FMN2: variants seen among roughly 807,000 people sequenced by gnomAD.
The protein encoded by FMN2 is formin-2.
A neutral mutation model predicts 142.3 loss-of-function variants in FMN2; 51 were observed. The observed-to-expected ratio is 0.36, with a 90% CI of 0.29 to 0.45. FMN2 has a LOEUF of 0.45. FMN2 is among the 20% of genes least tolerant of loss of function. FMN2 has a pLI of 1.00. For missense variants in FMN2, 1,936 were observed against 2,122.8 expected (o/e 0.91, Z 1.73); for synonymous variants, 882 against 869.8 (o/e 1.01, Z -0.25).
rs1662546545 is a variant in FMN2, at chr1:240,127,166, C to T, written c.1782+3821C>T. On this transcript the variant is annotated intron_variant, in intron 2 of 17. Coordinates refer to ENST00000319653, the MANE Select transcript of FMN2 (RefSeq NM_020066.5). Reference sequence around the variant, plus strand: ...ACGGAGTCTCGCTCTATTGCCTAGGCTGGAGCAAGATCAGAGGCATGATCT... The same window carrying T: ...ACGGAGTCTCGCTCTATTGCCTAGGTTGGAGCAAGATCAGAGGCATGATCT... Among the ~76,000 whole-genome samples, 3 of 148,990 alleles carry T rather than the reference C, an allele frequency of 2.0e-5. No homozygotes were observed. The South Asian group carries it at 6.4e-4, about 32-fold the overall frequency.
At chr1:240,102,671 T>C (rs982699623) in intron 1 of FMN2, among the ~76,000 whole-genome samples, 1 of 152,122 alleles carries the variant, frequency 6.6e-6, no homozygotes, top group Non-Finnish European at 1.5e-5. Flanking sequence ...TTGCAGTTTC[T>C]TTCAGGGTAT....
At chr1:240,273,720 G>T (rs1669099064) in intron 7 of FMN2, among the ~76,000 whole-genome samples, 3 of 152,010 alleles carry the variant, frequency 2.0e-5, no homozygotes, top group Admixed American at 2.0e-4. Context: ...TTGAGAATTT[G>T]CTTTATTCCT....
intron 14 of FMN2, among the ~76,000 whole-genome samples, chr1:240,375,743 A>G (rs918017503): frequency 5.9e-5 from 9 of 152,124 alleles, no homozygotes; most frequent in African/African-American, 2.2e-4. Context: ...CCTGCAGTTC[A>G]TTCCCCAGCT....
At chr1:240,379,307 A>T (rs992595913) in intron 14 of FMN2, among the ~76,000 whole-genome samples, 4 of 151,622 alleles carry the variant, frequency 2.6e-5, no homozygotes, top group Non-Finnish European at 5.9e-5. Context: ...GGCCCTGTAA[A>T]AGCTTTGGGA....
intron 14 of FMN2, among the ~76,000 whole-genome samples, chr1:240,376,710 A>C (rs1009701827): frequency 3.3e-5 from 5 of 152,178 alleles, no homozygotes; most frequent in African/African-American, 1.2e-4. Flanking sequence ...ATTTTATATA[A>C]GGGACTTTAG....
At chr1:240,347,584 A>C (rs1167815683) in intron 13 of FMN2, among the ~76,000 whole-genome samples, 1 of 152,138 alleles carries the variant, frequency 6.6e-6, no homozygotes, top group African/African-American at 2.4e-5. Context: ...TCGGGGGTAC[A>C]TGTGCCTTTT....
chr1:240,466,009 A>G (rs779924996), intron 16 of FMN2, among the ~76,000 whole-genome samples: 15 of 152,214 alleles, frequency 9.9e-5, no homozygotes, highest in Non-Finnish European at 1.9e-4. Flanking sequence ...AGAAAAATAC[A>G]TCTTTATTAG....
chr1:240,455,473 G>A (rs1276518931), intron 16 of FMN2, among the ~76,000 whole-genome samples: 1 of 152,142 alleles, frequency 6.6e-6, no homozygotes, highest in Non-Finnish European at 1.5e-5. Context: ...ATGACATTAA[G>A]TGCAAAAGTC....
intron 14 of FMN2, among the ~76,000 whole-genome samples, chr1:240,390,218 T>C (rs1558467171): frequency 1.3e-5 from 2 of 152,220 alleles, no homozygotes; most frequent in African/African-American, 4.8e-5. Context: ...AATACCCAAA[T>C]CCCGTTAGCT....
rs574897575 is a variant in FMN2 at position 240,162,928 on chromosome 1, GT to G, written c.1783-14991del. On this transcript the variant is annotated intron_variant, in intron 2 of 17. Coordinates refer to ENST00000319653, the MANE Select transcript of FMN2 (RefSeq NM_020066.5). ...AAACATGACTAACTGTATCTCTAAA[GT>G]TATGGCAAATATTTATATTATCCTT... Among the ~76,000 whole-genome samples the G allele has an allele frequency of 8.5e-3, 1,291 of 152,118 alleles. 19 individuals carry two copies. Among genetic ancestry groups the G allele is most frequent in the African/African-American group, 0.029 (1,192 of 41,500 alleles).
intron 14 of FMN2, among the ~76,000 whole-genome samples, chr1:240,357,610 GTTT>G (rs11293253): frequency 7.2e-6 from 1 of 138,394 alleles, no homozygotes; most frequent in Admixed American, 7.3e-5. Flanking sequence ...AACCTTACGG[GTTT>G]TTTTTTTTTT....
chr1:240,357,991 T>C (rs1406400916), intron 14 of FMN2, among the ~76,000 whole-genome samples: 1 of 152,190 alleles, frequency 6.6e-6, no homozygotes. Flanking sequence ...AAAACAATGT[T>C]GTAAGGATAC....
chr1:240,424,535 A>G (rs1195976079), intron 15 of FMN2, among the ~76,000 whole-genome samples: 1 of 152,212 alleles, frequency 6.6e-6, no homozygotes, highest in Non-Finnish European at 1.5e-5. Context: ...ACTTCTCTGT[A>G]TGAAGAATAG....
chr1:240,235,480 T>A (rs1462554746), intron 6 of FMN2, among the ~76,000 whole-genome samples: 1 of 151,936 alleles, frequency 6.6e-6, no homozygotes, highest in African/African-American at 2.4e-5. Context: ...GGTGTGATCA[T>A]CGCTCACGAC....
chr1:240,244,019 T>G (rs960687967), intron 6 of FMN2, among the ~76,000 whole-genome samples: 2 of 152,216 alleles, frequency 1.3e-5, no homozygotes, highest in Non-Finnish European at 2.9e-5. Flanking sequence ...TAATGTCGTT[T>G]GAGAAACAAC....
intron 15 of FMN2, among the ~76,000 whole-genome samples, chr1:240,407,988 C>T (rs1037997837): frequency 6.6e-6 from 1 of 152,102 alleles, no homozygotes; most frequent in Non-Finnish European, 1.5e-5. Context: ...ATTTCGCATC[C>T]TACTTCCAGA....
At chr1:240,143,927 C>G in intron 2 of FMN2, 1 of 1,517,556 alleles carries the variant, frequency 6.6e-7, no homozygotes, top group Non-Finnish European at 9.2e-7. Flanking sequence ...CAAGCCTAGC[C>G]CAAAGATGGA....
intron 2 of FMN2, among the ~76,000 whole-genome samples, chr1:240,142,359 C>G (rs12407786): frequency 0.45 from 67,944 of 151,828 alleles, 15,388 homozygotes; most frequent in Admixed American, 0.49. Context: ...CTGAAAGTTA[C>G]CTCAGGTTTT....
At chr1:240,234,342 A>C (rs1245543345) in intron 6 of FMN2, among the ~76,000 whole-genome samples, 5 of 152,190 alleles carry the variant, frequency 3.3e-5, no homozygotes, top group Non-Finnish European at 7.3e-5. Context: ...GGGCCAAAGA[A>C]ATTTTACACA....
Sources: allele counts gnomAD v4.1 joint callset (sites outside exome capture counted in the v4.1 genomes callset), GRCh38; gene constraint gnomAD v4.1.1; transcripts MANE v1.5; gene names NCBI Gene and HGNC (gene_info 2026-07-23, HGNC 2026-07-21).